ACCSL: variants seen among roughly 807,000 people sequenced by gnomAD.
ACCSL encodes probable inactive 1-aminocyclopropane-1-carboxylate synthase-like protein 2.
In ACCSL, 55 loss-of-function variants were observed where a neutral mutation model predicts 61.7. The observed-to-expected ratio is 0.89, with a 90% CI of 0.72 to 1.12. ACCSL has a LOEUF of 1.12. ACCSL is among the 50% of genes most tolerant of loss of function. ACCSL has a pLI of 0.00. For synonymous variants in ACCSL, 258 were observed against 264.3 expected, an observed-to-expected ratio of 0.98 and a Z score of 0.23; for missense variants, 632 against 698.0, an observed-to-expected ratio of 0.91 and a Z score of 1.07.
the ACCSL span, chr11:43,926,611 C>T: frequency 3.2e-6 from 1 of 317,378 alleles, no homozygotes; most frequent in East Asian, 9.4e-5. Context: ...ACCCATGTGG[C>T]TTCTATTTTC....
the ACCSL span, among the ~76,000 whole-genome samples, chr11:43,988,806 CTTTTTT>C: frequency 1.0e-5 from 1 of 97,236 alleles, no homozygotes; most frequent in African/African-American, 4.1e-5. Context: ...ATTCTCTCTT[CTTTTTT>C]TTTTTTTTTT....
chr11:44,050,697 C>A (rs556354549), intron 3 of ACCSL, 75 bp downstream of exon 3: 9 of 1,436,420 alleles, frequency 6.3e-6, no homozygotes, highest in Admixed American at 5.7e-5. Flanking sequence ...ATTCAAGGCA[C>A]CAAATTCCTG....
At chr11:44,008,549 G>C in the ACCSL span, among the ~76,000 whole-genome samples, 12 of 152,376 alleles carry the variant, frequency 7.9e-5, no homozygotes, top group Non-Finnish European at 1.3e-4. Flanking sequence ...GATTGATAGA[G>C]ACAGTAAGCA....
chr11:43,993,777 A>T, the ACCSL span, among the ~76,000 whole-genome samples: 1 of 152,184 alleles, frequency 6.6e-6, no homozygotes, highest in Non-Finnish European at 1.5e-5. Context: ...TATACTAACC[A>T]TCTGGTCCAG....
At chr11:44,016,753 C>T in the ACCSL span, among the ~76,000 whole-genome samples, 2 of 152,108 alleles carry the variant, frequency 1.3e-5, no homozygotes, top group Non-Finnish European at 2.9e-5. Context: ...GGCAAAGCTG[C>T]TATGGCATTT....
the ACCSL span, among the ~76,000 whole-genome samples, chr11:44,041,333 G>C: frequency 9.1e-4 from 139 of 152,310 alleles, 2 homozygotes; most frequent in African/African-American, 3.2e-3. Context: ...GGGTCAGCTA[G>C]GTAGTCATTA....
chr11:43,999,091 A>T, the ACCSL span, among the ~76,000 whole-genome samples: 1 of 152,164 alleles, frequency 6.6e-6, no homozygotes, highest in African/African-American at 2.4e-5. Context: ...TCGTCTTTCC[A>T]ATGAGGCTAA....
the ACCSL span, among the ~76,000 whole-genome samples, chr11:43,965,711 T>G: frequency 6.6e-6 from 1 of 152,202 alleles, no homozygotes; most frequent in Admixed American, 6.5e-5. Context: ...CAGAATCTAC[T>G]ACAAAGCTAC....
At chr11:43,961,300 T>A in the ACCSL span, among the ~76,000 whole-genome samples, 1 of 152,204 alleles carries the variant, frequency 6.6e-6, no homozygotes, top group Non-Finnish European at 1.5e-5. Flanking sequence ...ATAAATTATA[T>A]TATTAAATAT....
chr11:44,012,900 C>A, the ACCSL span, among the ~76,000 whole-genome samples: 1 of 152,208 alleles, frequency 6.6e-6, no homozygotes, highest in South Asian at 2.1e-4. Flanking sequence ...CAACAACGTT[C>A]CTTCTTGGTG....
chr11:44,053,509 A>C lies in ACCSL; in HGVS notation c.1049+3A>C. 6.2e-7 allele frequency: 1 copy of C among 1,611,292 alleles called. No homozygotes were observed. The highest frequency in any genetic ancestry group is 1.3e-5 in the African/African-American group (1 of 74,974). On this transcript the variant is annotated splice_donor_region_variant and intron_variant, in intron 8 of 13. Coordinates refer to ENST00000378832, the MANE Select transcript of ACCSL (RefSeq NM_001031854.2). ...AAATACCTGGAATTTGCCAAGAGGT[A>C]TGAGTTCTACCCCTTGAGACTAGGT...
chr11:44,056,688 C>G (rs940390156), intron 11 of ACCSL, among the ~76,000 whole-genome samples: 3 of 152,124 alleles, frequency 2.0e-5, no homozygotes, highest in Admixed American at 2.0e-4. Flanking sequence ...CAAAATTAGC[C>G]AGGCATGCTG....
chr11:44,030,219 T>C, the ACCSL span, among the ~76,000 whole-genome samples: 1 of 151,566 alleles, frequency 6.6e-6, no homozygotes, highest in Admixed American at 6.6e-5. Flanking sequence ...AGAACACTAG[T>C]AGTGATTCCT....
At chr11:43,948,568 G>C in the ACCSL span, among the ~76,000 whole-genome samples, 2 of 152,138 alleles carry the variant, frequency 1.3e-5, no homozygotes, top group African/African-American at 4.8e-5. Context: ...CTGCTTCCCA[G>C]GCTCAAGTGA....
the ACCSL span, among the ~76,000 whole-genome samples, chr11:43,950,610 C>T: frequency 6.6e-6 from 1 of 152,204 alleles, no homozygotes; most frequent in Non-Finnish European, 1.5e-5. Context: ...GTACCAGTCC[C>T]TCCCTACCGG....
At chr11:44,004,251 G>A in the ACCSL span, among the ~76,000 whole-genome samples, 1 of 151,996 alleles carries the variant, frequency 6.6e-6, no homozygotes, top group Non-Finnish European at 1.5e-5. Flanking sequence ...AGTAGAGAGA[G>A]CCCAGATCAG....
the ACCSL span, among the ~76,000 whole-genome samples, chr11:44,017,093 A>G: frequency 1.9e-4 from 29 of 152,308 alleles, no homozygotes; most frequent in African/African-American, 7.0e-4. Context: ...GGACATTCAG[A>G]TACACACAGG....
intron 6 of ACCSL, 115 bp downstream of exon 6, chr11:44,052,874 G>A: frequency 2.1e-6 from 3 of 1,438,174 alleles, no homozygotes; most frequent in Non-Finnish European, 2.0e-6. Context: ...GGTAGGGGTG[G>A]AGAAGGCATG....
the ACCSL span, among the ~76,000 whole-genome samples, chr11:43,952,467 T>C: frequency 6.6e-6 from 1 of 152,234 alleles, no homozygotes; most frequent in Admixed American, 6.5e-5. Context: ...TGCTGCACCC[T>C]GGGTCTGGTT....
Sources: allele counts gnomAD v4.1 joint callset (sites outside exome capture counted in the v4.1 genomes callset), GRCh38; gene constraint gnomAD v4.1.1; transcripts MANE v1.5; gene names NCBI Gene and HGNC (gene_info 2026-07-23, HGNC 2026-07-21).